Variants in KCNQ5 observed in about 807,000 individuals in gnomAD.
The protein encoded by KCNQ5 is potassium voltage-gated channel subfamily KQT member 5.
A neutral mutation model predicts 98.2 loss-of-function variants in KCNQ5; 30 were observed. The observed-to-expected ratio is 0.31, with a 90% CI of 0.23 to 0.41. KCNQ5 has a LOEUF of 0.41. Among genes scored for constraint, KCNQ5 ranks in the 10% least tolerant of loss-of-function variants. The pLI is 1.00. For synonymous variants in KCNQ5, 458 were observed against 449.4 expected (o/e 1.02, Z -0.24); for missense variants, 835 against 1,182.5 (o/e 0.71, Z 4.31).
At chr6:72,692,951 G>C (rs1344276025) in intron 1 of KCNQ5, among the ~76,000 whole-genome samples, 1 of 152,168 alleles carries the variant, frequency 6.6e-6, no homozygotes, top group East Asian at 1.9e-4. Context: ...TTTCAAAAAG[G>C]AATGAGGAGG....
chr6:73,132,770 C>T (rs1337123916), intron 9 of KCNQ5, among the ~76,000 whole-genome samples: 1 of 152,206 alleles, frequency 6.6e-6, no homozygotes, highest in East Asian at 1.9e-4. Context: ...TTCTCTTCAT[C>T]AGTCATCACA....
chr6:73,168,028 A>G (rs1284922598), intron 10 of KCNQ5, among the ~76,000 whole-genome samples: 1 of 152,224 alleles, frequency 6.6e-6, no homozygotes, highest in Non-Finnish European at 1.5e-5. Flanking sequence ...TAGTAGTTTC[A>G]TCTCTCTCCT....
intron 2 of KCNQ5, among the ~76,000 whole-genome samples, chr6:73,020,084 C>A (rs1040526955): frequency 2.0e-5 from 3 of 152,094 alleles, no homozygotes; most frequent in African/African-American, 7.2e-5. Flanking sequence ...GCAAAGCAAG[C>A]GATCAGTTTT....
rs145368843 is a variant in KCNQ5, at chr6:72,815,874, T to C, written c.399-188034T>C. On this transcript the variant is annotated intron_variant, in intron 1 of 13. Coordinates refer to ENST00000370398, the MANE Select transcript of KCNQ5 (RefSeq NM_019842.4). ...TGGCTTGATGGAAAGATGACAAGTT[T>C]AACTTGGGGCACATTAAGTTGTTGG... Among the ~76,000 whole-genome samples the C allele has an allele frequency of 2.6e-5, 4 of 152,230 alleles. No individual in the cohort carries two copies. In the East Asian group the frequency reaches 7.7e-4, roughly 29 times the overall value.
In KCNQ5 at chr6:72,965,764, T is replaced by A. The variant is rs569485046; in HGVS notation, c.399-38144T>A. 1.4e-3 allele frequency among the ~76,000 whole-genome samples: 219 copies of A among 152,342 alleles called. 1 individual carries two copies. Among genetic ancestry groups the A allele is most frequent in the Admixed American group, 2.6e-3 (40 of 15,296 alleles). ...TAGCATTTAAATTTTTAGGAAATGC[T>A]CATTACTGGGTTAAGCACAAAAAAG... On this transcript the variant is annotated intron_variant, in intron 1 of 13. Coordinates refer to ENST00000370398, the MANE Select transcript of KCNQ5 (RefSeq NM_019842.4).
At chr6:72,879,728 G>A (rs536071630) in intron 1 of KCNQ5, among the ~76,000 whole-genome samples, 14 of 151,990 alleles carry the variant, frequency 9.2e-5, no homozygotes, top group Non-Finnish European at 1.5e-4. Flanking sequence ...TTCACATTCA[G>A]GTCTTTAAAT....
intron 1 of KCNQ5, among the ~76,000 whole-genome samples, chr6:72,748,444 A>C (rs1033702466): frequency 3.9e-5 from 6 of 152,106 alleles, no homozygotes; most frequent in African/African-American, 1.4e-4. Context: ...AGACTTAATG[A>C]ATCAGAATCT....
chr6:72,975,347 C>T (rs1768112998), intron 1 of KCNQ5, among the ~76,000 whole-genome samples: 1 of 151,980 alleles, frequency 6.6e-6, no homozygotes, highest in African/African-American at 2.4e-5. Context: ...GGAGTGACTA[C>T]AGCTTTAAAG....
intron 10 of KCNQ5, among the ~76,000 whole-genome samples, chr6:73,149,304 T>C (rs1269120340): frequency 6.6e-6 from 1 of 152,262 alleles, no homozygotes; most frequent in Non-Finnish European, 1.5e-5. Flanking sequence ...TTTTAGGTTT[T>C]ACTCAAAGAT....
intron 1 of KCNQ5, among the ~76,000 whole-genome samples, chr6:72,685,429 C>G (rs1027080045): frequency 6.6e-6 from 1 of 152,178 alleles, no homozygotes; most frequent in Admixed American, 6.6e-5. Context: ...AATACAAAAT[C>G]AAAAGATATA....
rs570204291 is a variant in KCNQ5 at position 72,829,440 on chromosome 6, CCTCTT to C, written c.399-174458_399-174454del. 9.0e-5 allele frequency among the ~76,000 whole-genome samples: 11 copies of C among 122,732 alleles called. No homozygotes were observed. The South Asian group carries it at 2.9e-3, about 32-fold the overall frequency. 80.5% of individuals were successfully genotyped at this position (122,732 alleles called of 152,430 possible). ...CAGTGTTGAAAGTGTCTCTCTCTCT[CCTCTT>C]CTCTTCTCTCTCTCTCCTGCTTAAA... On this transcript the variant is annotated intron_variant, in intron 1 of 13. Transcript: ENST00000370398.
At chr6:72,882,924 T>C (rs903842111) in intron 1 of KCNQ5, among the ~76,000 whole-genome samples, 1 of 152,224 alleles carries the variant, frequency 6.6e-6, no homozygotes, top group African/African-American at 2.4e-5. Flanking sequence ...AGCAACTTTT[T>C]TTCATGTGGG....
intron 5 of KCNQ5, among the ~76,000 whole-genome samples, chr6:73,079,489 G>C (rs1773678513): frequency 6.6e-6 from 1 of 152,200 alleles, no homozygotes; most frequent in African/African-American, 2.4e-5. Context: ...ACATTTGTCA[G>C]AGAGGGGGAA....
intron 10 of KCNQ5, among the ~76,000 whole-genome samples, chr6:73,145,327 C>T (rs1459779947): frequency 6.6e-6 from 1 of 152,144 alleles, no homozygotes; most frequent in Admixed American, 6.5e-5. Flanking sequence ...AATGCCAAAA[C>T]TGGGGTTTGA....
intron 1 of KCNQ5, among the ~76,000 whole-genome samples, chr6:72,940,276 A>G (rs1035254039): frequency 6.6e-6 from 1 of 152,252 alleles, no homozygotes; most frequent in African/African-American, 2.4e-5. Context: ...CTGAATCATT[A>G]TGCATTATTA....
chr6:73,011,351 G>A (rs749521226), intron 2 of KCNQ5, among the ~76,000 whole-genome samples: 5 of 151,944 alleles, frequency 3.3e-5, no homozygotes, highest in Non-Finnish European at 7.4e-5. Flanking sequence ...ACACACTTAC[G>A]GTCAAATGAT....
At chr6:72,681,669 G>C (rs1767718537) in intron 1 of KCNQ5, among the ~76,000 whole-genome samples, 1 of 152,156 alleles carries the variant, frequency 6.6e-6, no homozygotes, top group Non-Finnish European at 1.5e-5. Context: ...GCCAGCTTTT[G>C]TTCCGGATCT....
chr6:72,646,516 G>GA lies in KCNQ5; in HGVS notation c.398+23937dup, dbSNP rs139425861. Reference sequence around the variant, plus strand: ...TCTGAAAAACCACATGGATTTGGGGGAAAAAAAAGCATATGGTTATCTATT... The same window carrying GA: ...TCTGAAAAACCACATGGATTTGGGGGAAAAAAAAAGCATATGGTTATCTATT... On this transcript the variant is annotated intron_variant, in intron 1 of 13. Transcript: ENST00000370398. Among the ~76,000 whole-genome samples, 1,488 of 151,806 alleles carry GA rather than the reference G, an allele frequency of 9.8e-3. 27 individuals carry two copies. The highest frequency in any genetic ancestry group is 0.033 in the African/African-American group (1,379 of 41,424).
At chr6:73,168,292 CAA>C (rs1234272210) in intron 10 of KCNQ5, among the ~76,000 whole-genome samples, 1 of 152,222 alleles carries the variant, frequency 6.6e-6, no homozygotes. Context: ...CAGCCCATGG[CAA>C]AGTCTTTTCC....
Sources: allele counts gnomAD v4.1 joint callset (sites outside exome capture counted in the v4.1 genomes callset), GRCh38; gene constraint gnomAD v4.1.1; transcripts MANE v1.5; gene names NCBI Gene and HGNC (gene_info 2026-07-23, HGNC 2026-07-21).